Variants in ANGPT2 observed in about 807,000 individuals in gnomAD.
ANGPT2 encodes the protein angiopoietin-2.
A neutral mutation model predicts 62.9 loss-of-function variants in ANGPT2; 28 were observed. That is an observed-to-expected ratio of 0.44 (90% CI 0.33 to 0.61). The LOEUF is 0.61. ANGPT2 is among the 20% of genes least tolerant of loss of function. The pLI is 0.03. For missense variants in ANGPT2, 727 were observed against 594.9 expected (o/e 1.22, Z -2.31); for synonymous variants, 284 against 207.8 (o/e 1.37, Z -3.15).
intron 8 of ANGPT2, 87 bp from the exon 9 acceptor site, chr8:6,503,348 G>A: frequency 3.5e-6 from 5 of 1,413,480 alleles, no homozygotes; most frequent in East Asian, 4.6e-5. Context: ...AAGGCAGGAG[G>A]CACACTGCAG....
chr8:6,499,785 A>C lies in ANGPT2; in HGVS notation c.*3316T>G, dbSNP rs994617712. 2.1e-6 allele frequency: 3 copies of C among 1,416,766 alleles called. No homozygotes were observed. The highest frequency in any genetic ancestry group is 3.0e-6 in the Non-Finnish European group (3 of 1,002,622). 87.8% of individuals were successfully genotyped at this position (1,416,766 alleles called of 1,614,324 possible). On this transcript the variant is annotated 3_prime_UTR_variant, in exon 9 of 9. Coordinates refer to ENST00000629816, the MANE Select transcript of ANGPT2 (RefSeq NM_001118887.2). ...CACTTTTTGCTGTGTCTTCAAAGTG[A>C]TTCTTGGTTTATTGCCTGCTAAGGC...
intron 6 of ANGPT2, among the ~76,000 whole-genome samples, chr8:6,514,283 A>AG (rs1815791086): frequency 6.6e-6 from 1 of 152,162 alleles, no homozygotes; most frequent in Non-Finnish European, 1.5e-5. Context: ...TCTGCCTCCC[A>AG]GGTTCAAGCG....
intron 3 of ANGPT2, among the ~76,000 whole-genome samples, chr8:6,524,545 T>C (rs1319394677): frequency 6.6e-6 from 1 of 152,224 alleles, no homozygotes; most frequent in Non-Finnish European, 1.5e-5. Context: ...GAGTGATAGT[T>C]GGGTTCAGAT....
Position 6,540,196 on chromosome 8 carries a change from A to G in ANGPT2, c.289-7709T>C, listed in dbSNP as rs1021247929. Reference sequence around the variant, plus strand: ...CTTTGCATTAATTTTTTTCACATATATTTGAATATATGTTTTTCCACATAT... The same window carrying G: ...CTTTGCATTAATTTTTTTCACATATGTTTGAATATATGTTTTTCCACATAT... On this transcript the variant is annotated intron_variant, in intron 1 of 8. Coordinates refer to ENST00000629816, the MANE Select transcript of ANGPT2 (RefSeq NM_001118887.2). 5.3e-5 allele frequency among the ~76,000 whole-genome samples: 8 copies of G among 152,094 alleles called. 1 individual carries two copies. The highest frequency in any genetic ancestry group is 1.9e-4 in the African/African-American group (8 of 41,406).
chr8:6,554,664 C>CA (rs1824275006), intron 1 of ANGPT2, among the ~76,000 whole-genome samples: 1 of 151,960 alleles, frequency 6.6e-6, no homozygotes, highest in African/African-American at 2.4e-5. Context: ...GTAAAGATTC[C>CA]AAAAATAATT....
intron 8 of ANGPT2, 53 bp downstream of exon 8, chr8:6,508,879 C>T: frequency 6.8e-6 from 11 of 1,612,936 alleles, no homozygotes; most frequent in Non-Finnish European, 9.3e-6. Context: ...GCCTTTCCCT[C>T]TATGAAATCA....
chr8:6,520,851 AT>A (rs1422612971), intron 4 of ANGPT2, among the ~76,000 whole-genome samples: 1 of 152,156 alleles, frequency 6.6e-6, no homozygotes, highest in African/African-American at 2.4e-5. Flanking sequence ...GTCTGATATT[AT>A]TTTTCCCATG....
intron 5 of ANGPT2, among the ~76,000 whole-genome samples, chr8:6,515,007 G>C (rs1175274005): frequency 6.6e-6 from 1 of 152,174 alleles, no homozygotes; most frequent in Admixed American, 6.5e-5. Flanking sequence ...ATAATATAAA[G>C]TGTTGATGAG....
At chr8:6,559,726 T>C (rs1049574252) in intron 1 of ANGPT2, among the ~76,000 whole-genome samples, 1 of 152,202 alleles carries the variant, frequency 6.6e-6, no homozygotes, top group Non-Finnish European at 1.5e-5. Flanking sequence ...TTTTGCTAAA[T>C]TATTTGTGAG....
At chr8:6,513,262 A>C (rs1192784489) in intron 7 of ANGPT2, among the ~76,000 whole-genome samples, 1 of 152,152 alleles carries the variant, frequency 6.6e-6, no homozygotes, top group African/African-American at 2.4e-5. Flanking sequence ...GATCTTGGTT[A>C]AATCATTGTG....
chr8:6,504,146 G>A (rs1334269763), intron 8 of ANGPT2, among the ~76,000 whole-genome samples: 5 of 151,694 alleles, frequency 3.3e-5, no homozygotes, highest in South Asian at 2.1e-4. Context: ...GTGAAACCCC[G>A]TCTCTACTAA....
At chr8:6,533,569 C>CTTTTTTTTTTTTTTTT (rs56882906) in intron 1 of ANGPT2, among the ~76,000 whole-genome samples, 1 of 113,340 alleles carries the variant, frequency 8.8e-6, no homozygotes, top group Non-Finnish European at 1.7e-5. Flanking sequence ...CGTTTAGTTT[C>CTTTTTTTTTTTTTTTT]TTTTTTTTTT....
chr8:6,562,319 G>A (rs1183852224), intron 1 of ANGPT2, among the ~76,000 whole-genome samples: 2 of 152,040 alleles, frequency 1.3e-5, no homozygotes, highest in Admixed American at 6.5e-5. Context: ...GAGCTTAAAC[G>A]ATGTAAACAA....
chr8:6,540,637 A>G (rs1821379226), intron 1 of ANGPT2, among the ~76,000 whole-genome samples: 1 of 152,236 alleles, frequency 6.6e-6, no homozygotes, highest in Admixed American at 6.5e-5. Flanking sequence ...AAGAATAGTT[A>G]CAGCAGCTTA....
chr8:6,522,144 G>C (rs2515446), intron 3 of ANGPT2, among the ~76,000 whole-genome samples: 2 of 151,780 alleles, frequency 1.3e-5, no homozygotes, highest in South Asian at 4.2e-4. Flanking sequence ...TCACGAGGTC[G>C]GGAGATTGAG....
In ANGPT2 at chr8:6,531,066, C is replaced by A. The variant is rs1030018759; in HGVS notation, c.444+1266G>T. ...CTGACTTCAGAAGCATGTAAAGAAG[C>A]CAGGATGAGGAGTCAGAAAGCGGGC... On this transcript the variant is annotated intron_variant, in intron 2 of 8. Coordinates refer to ENST00000629816, the MANE Select transcript of ANGPT2 (RefSeq NM_001118887.2). Among the ~76,000 whole-genome samples, 14 of 152,286 alleles carry A rather than the reference C, an allele frequency of 9.2e-5. 1 individual carries two copies. The highest frequency in any genetic ancestry group is 3.1e-4 in the African/African-American group (13 of 41,564).
Position 6,503,034 on chromosome 8 carries a change from C to G in ANGPT2, c.*67G>C, listed in dbSNP as rs990878829. The G allele has an allele frequency of 1.9e-6, 3 of 1,587,224 alleles. No individual in the cohort carries two copies. Among genetic ancestry groups the G allele is most frequent in the Non-Finnish European group, 1.7e-6 (2 of 1,162,478 alleles). On this transcript the variant is annotated 3_prime_UTR_variant, in exon 9 of 9. Transcript: ENST00000629816. ...AAGAGGACACAGTGCGCAGCCGTGA[C>G]TTTCAGTGCACTGGGCTTAAGTCTT...
chr8:6,520,146 C>T (rs1348684038), intron 4 of ANGPT2, 155 bp from the exon 5 acceptor site: 5 of 780,906 alleles, frequency 6.4e-6, no homozygotes, highest in Non-Finnish European at 9.6e-6. Flanking sequence ...AGAAAGTTTC[C>T]TTTCAGCCTG....
Position 6,514,729 on chromosome 8 carries a change from C to G in ANGPT2, c.977G>C (p.Arg326Pro). Residue 326 changes from arginine (R) to proline (P), a missense_variant, in exon 6 of 9, where the codon CGA becomes CCA. Coordinates refer to ENST00000629816, the MANE Select transcript of ANGPT2 (RefSeq NM_001118887.2). ...AGGGGWTIIQ[R>P]REDGSVDFQR... ...AAAATCAACGCTGCCATCCTCACGT[C>G]GCTGAATAATTGTCCACCCGCCTCC... 1 of 1,614,068 alleles carries G rather than the reference C, an allele frequency of 6.2e-7. No individual in the cohort carries two copies. The highest frequency in any genetic ancestry group is 8.5e-7 in the Non-Finnish European group (1 of 1,180,008).
Sources: allele counts gnomAD v4.1 joint callset (sites outside exome capture counted in the v4.1 genomes callset), GRCh38; gene constraint gnomAD v4.1.1; transcripts MANE v1.5; gene names NCBI Gene and HGNC (gene_info 2026-07-23, HGNC 2026-07-21).